Variants in USHBP1 observed in about 807,000 individuals in gnomAD.
USHBP1 encodes harmonin-binding protein USHBP1.
Under a neutral mutation model 76.2 loss-of-function variants are expected in USHBP1, and 67 were observed. The ratio of observed to expected loss-of-function variants is 0.88; its 90% confidence interval spans 0.72 to 1.08. USHBP1 has a LOEUF of 1.08. USHBP1 is among the 50% of genes least tolerant of loss of function. The pLI is 0.00. For synonymous variants in USHBP1, 322 were observed against 362.2 expected (o/e 0.89, Z 1.26); for missense variants, 931 against 915.0 (o/e 1.02, Z -0.23).
At chr19:17,258,415 G>C (rs1002991969) in intron 7 of USHBP1, 30 bp from the exon 8 acceptor site, 1 of 1,599,660 alleles carries the variant, frequency 6.3e-7, no homozygotes, top group Non-Finnish European at 8.5e-7. Context: ...AGTGCTTCAG[G>C]ACACTCAGCT....
chr19:17,255,228 G>T (rs1025066898), intron 10 of USHBP1, among the ~76,000 whole-genome samples, 157 bp downstream of exon 10: 1 of 151,890 alleles, frequency 6.6e-6, no homozygotes, highest in African/African-American at 2.4e-5. Context: ...GGAGGCGGAG[G>T]TTGTGGTGAG....
chr19:17,258,522 A>T lies in USHBP1; in HGVS notation c.1047-137T>A, dbSNP rs556879061. The T allele has an allele frequency of 1.1e-4, 94 of 855,800 alleles. No homozygotes were observed. The South Asian group carries it at 1.6e-3, about 15-fold the overall frequency. 53.0% of individuals were successfully genotyped at this position (855,800 alleles called of 1,614,324 possible). ...TCAGGAGTTCGAGACCAGCCTGACC[A>T]ACATGGTGAAACCCCGTCTCTACTA... is the stretch of plus-strand genomic sequence containing the variant. On this transcript the variant is annotated intron_variant, in intron 7 of 12. Transcript: ENST00000252597.
At chr19:17,255,676 G>C (rs1404315691) in intron 9 of USHBP1, 70 bp from the exon 10 acceptor site, 2 of 1,471,590 alleles carry the variant, frequency 1.4e-6, no homozygotes, top group Non-Finnish European at 1.8e-6. Flanking sequence ...GAGGCCCCAA[G>C]AGGCACCCAC....
chr19:17,258,747 T>C, intron 7 of USHBP1: 1 of 294,884 alleles, frequency 3.4e-6, no homozygotes, highest in South Asian at 3.0e-5. Flanking sequence ...GAAAAAAAAA[T>C]CCACTTAGCT....
rs990528060 is a variant in USHBP1 at position 17,256,338 on chromosome 19, A to C, written c.1470+133T>G. On this transcript the variant is annotated intron_variant, in intron 9 of 12. Transcript: ENST00000252597. ...ACTCCTATTAATCCCTCAAAACCCC[A>C]GCTCCAATTCTCCCTTCACAATGCC... 6 of 1,356,772 alleles carry C rather than the reference A, an allele frequency of 4.4e-6. No homozygotes were observed. The African/African-American group carries it at 7.3e-5, about 17-fold the overall frequency. 84.0% of individuals were successfully genotyped at this position (1,356,772 alleles called of 1,614,324 possible).
intron 1 of USHBP1, 73 bp downstream of exon 1, chr19:17,264,598 A>G: frequency 2.3e-6 from 1 of 441,216 alleles, no homozygotes; most frequent in Non-Finnish European, 4.0e-6. Flanking sequence ...CCTCTATTTG[A>G]GCCTGGGAAT....
chr19:17,251,691 G>T lies in USHBP1; in HGVS notation c.1813C>A (p.Gln605Lys). ...AASLTRTLDL[Q>K]EQLQSLRREL... ...CTGCGCAGAGACTGCAGCTGCTCCT[G>T]CAGGTCCAGTGTCCTGTTGCGAAGG... The change falls in exon 12 of 13, where the codon CAG (glutamine) becomes AAG (lysine). Residue 605 changes from glutamine to lysine, a missense_variant. Transcript: ENST00000252597. 1 of 1,613,368 alleles carries T rather than the reference G, an allele frequency of 6.2e-7. No individual in the cohort carries two copies. The highest frequency in any genetic ancestry group is 8.5e-7 in the Non-Finnish European group (1 of 1,180,008).
chr19:17,259,984 G>A lies in USHBP1; in HGVS notation c.681C>T (p.Pro227=), dbSNP rs751757207. 3 of 1,613,996 alleles carry A rather than the reference G, an allele frequency of 1.9e-6. No individual in the cohort carries two copies. The South Asian group carries it at 3.3e-5, about 18-fold the overall frequency. ...ELQDSLLRLE[P]CPHLSHNQAG... The stretch of plus-strand genomic sequence containing the variant: ...CTTGGTTGTGGGAAAGATGTGGGCA[G>A]GGCTCCAGCCTCAAGAGGGAATCCT... Residue 227 remains proline (P), a synonymous_variant, in exon 5 of 13, where the codon CCC becomes CCT. Coordinates refer to ENST00000252597, the MANE Select transcript of USHBP1 (RefSeq NM_031941.4).
rs146770593 is a variant in USHBP1 at position 17,264,267 on chromosome 19, C to T, written c.33G>A (p.Arg11=). 8.1e-6 allele frequency: 13 copies of T among 1,613,662 alleles called. No individual in the cohort carries two copies. In the African/African-American group the frequency reaches 1.6e-4, roughly 20 times the overall value. MSARATRPRS[R]RGRHAPPGEL... ...TTACGGGTGGAGCATGCCTCCCTCG[C>T]CGGCTTCGGGGCCGCGTGGCCCGGG... Residue 11 remains arginine (R), a synonymous_variant, in exon 2 of 13, where the codon CGG becomes CGA. Coordinates refer to ENST00000252597, the MANE Select transcript of USHBP1 (RefSeq NM_031941.4).
At chr19:17,255,673 C>T (rs1159072848) in intron 9 of USHBP1, 67 bp from the exon 10 acceptor site, 2 of 1,473,164 alleles carry the variant, frequency 1.4e-6, no homozygotes, top group Non-Finnish European at 1.8e-6. Flanking sequence ...ACTGAGGCCC[C>T]AAGAGGCACC....
intron 12 of USHBP1, among the ~76,000 whole-genome samples, chr19:17,251,178 T>G (rs1380779816): frequency 1.3e-5 from 2 of 150,736 alleles, no homozygotes; most frequent in African/African-American, 4.9e-5. Flanking sequence ...TGTTTTTTTT[T>G]TTTTTTTTTT....
rs745772787 is a variant in USHBP1 at position 17,259,932 on chromosome 19, TG to T, written c.732del (p.Ser244ArgfsTer89). 1 of 1,614,104 alleles carries T rather than the reference TG, an allele frequency of 6.2e-7. No homozygotes were observed. Among genetic ancestry groups the T allele is most frequent in the South Asian group, 1.1e-5 (1 of 91,086 alleles). On this transcript the variant is annotated frameshift_variant, in exon 5 of 13. Coordinates refer to ENST00000252597, the MANE Select transcript of USHBP1 (RefSeq NM_031941.4). LOFTEE classifies it high-confidence loss of function. ...NQAGGSGSGS[S>X]SSEADREPWE... ...CAGGGTTCCCTGTCTGCCTCAGAGC[TG>T]CTAGAACCACTGCCTGAGCCACCTG...
intron 9 of USHBP1, among the ~76,000 whole-genome samples, chr19:17,255,851 A>AT (rs1212854403): frequency 6.6e-6 from 1 of 152,034 alleles, no homozygotes; most frequent in Non-Finnish European, 1.5e-5. Context: ...AAATACAAAA[A>AT]TTAGCCAGGT....
intron 4 of USHBP1, among the ~76,000 whole-genome samples, chr19:17,261,931 C>T (rs966978802): frequency 1.6e-4 from 24 of 150,456 alleles, no homozygotes; most frequent in Admixed American, 6.6e-5. Context: ...GGGAGCCACC[C>T]ACCTCGGCCT....
chr19:17,258,007 C>T (rs1243989377), intron 8 of USHBP1, among the ~76,000 whole-genome samples: 1 of 152,180 alleles, frequency 6.6e-6, no homozygotes, highest in Non-Finnish European at 1.5e-5. Context: ...ACTGCAATGT[C>T]TGTCAACCAC....
chr19:17,250,440 G>C (rs2073536187), intron 12 of USHBP1, 26 bp from the exon 13 acceptor site: 2 of 1,602,738 alleles, frequency 1.2e-6, no homozygotes, highest in African/African-American at 1.3e-5. Context: ...GGCTGGGTCA[G>C]GAAACAGCCC....
At chr19:17,252,133 C>CATCTGG in intron 10 of USHBP1, 116 bp from the exon 11 acceptor site, 2 of 879,126 alleles carry the variant, frequency 2.3e-6, no homozygotes, top group Non-Finnish European at 3.6e-6. Flanking sequence ...CAGAGACCCA[C>CATCTGG]ATCTGGTTCG....
chr19:17,264,610 C>A, intron 1 of USHBP1, 61 bp downstream of exon 1: 1 of 413,186 alleles, frequency 2.4e-6, no homozygotes, highest in Non-Finnish European at 4.4e-6. Context: ...CCTGGGAATG[C>A]GATCTCAAGA....
At chr19:17,254,170 C>T (rs1230785411) in intron 10 of USHBP1, among the ~76,000 whole-genome samples, 1 of 151,622 alleles carries the variant, frequency 6.6e-6, no homozygotes, top group African/African-American at 2.4e-5. Context: ...AATGAAACCC[C>T]GTCTCTACTA....
Sources: allele counts gnomAD v4.1 joint callset (sites outside exome capture counted in the v4.1 genomes callset), GRCh38; gene constraint gnomAD v4.1.1; transcripts MANE v1.5; gene names NCBI Gene and HGNC (gene_info 2026-07-23, HGNC 2026-07-21).